DENND1B: variants seen among roughly 807,000 people sequenced by gnomAD.
DENND1B encodes the protein DENN domain containing 1B.
A neutral mutation model predicts 90.1 loss-of-function variants in DENND1B; 59 were observed. That is an observed-to-expected ratio of 0.65 (90% confidence interval 0.53 to 0.81). The LOEUF (loss-of-function observed/expected upper bound fraction) is 0.81. DENND1B is among the 40% of genes least tolerant of loss of function. The probability of loss-of-function intolerance (pLI) is 0.00; values close to 1 mark genes in which losing one functional copy is unlikely to be tolerated. For missense variants in DENND1B, 862 were observed against 912.6 expected, an observed-to-expected ratio of 0.94 and a Z score of 0.71; for synonymous variants, 337 against 324.6, an observed-to-expected ratio of 1.04 and a Z score of -0.41.
chr1:197,684,933 A>G (rs1657076360), intron 3 of DENND1B, among the ~76,000 whole-genome samples: 1 of 152,084 alleles, frequency 6.6e-6, no homozygotes, highest in Non-Finnish European at 1.5e-5. Flanking sequence ...CCTGGGCAAC[A>G]TGGTAAAACC....
chr1:197,623,800 A>C (rs745793855), intron 10 of DENND1B, among the ~76,000 whole-genome samples: 36 of 151,658 alleles, frequency 2.4e-4, no homozygotes, highest in Non-Finnish European at 3.4e-4. Context: ...GGATAAAACA[A>C]ATTTACAGTG....
At position 197,510,281 on chromosome 1, in the gene DENND1B, C is replaced by T. The variant is rs1454501772; in HGVS notation, c.*179G>A. 2.2e-5 allele frequency: 15 copies of T among 677,862 alleles called. No individual in the cohort carries two copies. Among genetic ancestry groups the T allele is most frequent in the East Asian group, 5.7e-5 (2 of 35,002 alleles). 42.0% of individuals were successfully genotyped at this position (677,862 alleles called of 1,614,324 possible). ...CCTGATTTAAAAGCACAGTAGAATT[C>T]GCTTTATATTTAAAAATCAATGCAT... On this transcript the variant is annotated 3_prime_UTR_variant, in exon 23 of 23. Transcript: ENST00000620048.
chr1:197,685,463 AGCAAG>A (rs1657136203), intron 3 of DENND1B, among the ~76,000 whole-genome samples: 2 of 152,190 alleles, frequency 1.3e-5, no homozygotes, highest in African/African-American at 4.8e-5. Flanking sequence ...CTAAGTACTT[AGCAAG>A]TAAAATAAAA....
At chr1:197,634,890 C>G (rs1001729420) in intron 10 of DENND1B, among the ~76,000 whole-genome samples, 1 of 152,140 alleles carries the variant, frequency 6.6e-6, no homozygotes, top group Non-Finnish European at 1.5e-5. Flanking sequence ...ACTTGGGAGG[C>G]TGAGGTGTGG....
chr1:197,510,346 C>T lies in DENND1B; in HGVS notation c.*114G>A. 1 of 1,249,714 alleles carries T rather than the reference C, an allele frequency of 8.0e-7. No homozygotes were observed. The highest frequency in any genetic ancestry group is 1.1e-6 in the Non-Finnish European group (1 of 930,670). 77.4% of individuals were successfully genotyped at this position (1,249,714 alleles called of 1,614,324 possible). On this transcript the variant is annotated 3_prime_UTR_variant, in exon 23 of 23. Coordinates refer to ENST00000620048, the MANE Select transcript of DENND1B (RefSeq NM_001195215.2). ...AAATGAACAAGTGAGAAAAATGTTG[C>T]AAATGCAAAAAAAAATTTAAATAGT...
chr1:197,758,960 A>ATTTTTTTTT lies in DENND1B; in HGVS notation c.82+13899_82+13907dup, dbSNP rs759108636. 1.0e-3 allele frequency among the ~76,000 whole-genome samples: 99 copies of ATTTTTTTTT among 97,836 alleles called. 3 individuals are homozygous for ATTTTTTTTT. The highest frequency in any genetic ancestry group is 3.6e-3 in the African/African-American group (98 of 27,292). 64.2% of individuals were successfully genotyped at this position (97,836 alleles called of 152,430 possible). ...TCCCAAAGAATAGAGTACTTCATTA[A>ATTTTTTTTT]TTTTTTTTTTTTTTTTTTTTTTTTT... On this transcript the variant is annotated intron_variant, in intron 2 of 22. Coordinates refer to ENST00000620048, the MANE Select transcript of DENND1B (RefSeq NM_001195215.2).
chr1:197,687,358 A>C (rs754113601), intron 3 of DENND1B, among the ~76,000 whole-genome samples: 1 of 152,162 alleles, frequency 6.6e-6, no homozygotes, highest in Non-Finnish European at 1.5e-5. Flanking sequence ...GATGCTTCCA[A>C]TGTCTCCTCA....
At chr1:197,628,205 C>T (rs1678965109) in intron 10 of DENND1B, among the ~76,000 whole-genome samples, 1 of 152,174 alleles carries the variant, frequency 6.6e-6, no homozygotes, top group Non-Finnish European at 1.5e-5. Context: ...CAAAAAAGAG[C>T]CCGCATCGCC....
intron 19 of DENND1B, 67 bp downstream of exon 19, chr1:197,540,892 T>C (rs1335401457): frequency 7.0e-7 from 1 of 1,428,510 alleles, no homozygotes; most frequent in Admixed American, 2.0e-5. Flanking sequence ...AATTTCTAAT[T>C]TGGAAGTATA....
rs1434170182 is a variant in DENND1B at position 197,509,000 on chromosome 1, C to T, written c.*1460G>A. Reference sequence around the variant, plus strand: ...TCCTCACTCCTGCATGTAGTGACTTCCTTCCAAAAATGACAGCATGGAAAG... The same window carrying T: ...TCCTCACTCCTGCATGTAGTGACTTTCTTCCAAAAATGACAGCATGGAAAG... On this transcript the variant is annotated 3_prime_UTR_variant, in exon 23 of 23. Transcript: ENST00000620048. 3 of 151,734 alleles carry T rather than the reference C, an allele frequency of 2.0e-5. No individual in the cohort carries two copies. The highest frequency in any genetic ancestry group is 7.3e-5 in the African/African-American group (3 of 41,356). The allele number at this position is 151,734 out of a possible 1,614,324, so 9.4% of individuals were successfully genotyped here. A position where few individuals can be genotyped will look rare whatever the true frequency, so the allele number is the denominator to read the frequency against.
intron 17 of DENND1B, among the ~76,000 whole-genome samples, chr1:197,546,416 T>A (rs760679858): frequency 3.9e-5 from 6 of 152,176 alleles, no homozygotes; most frequent in Non-Finnish European, 7.4e-5. Context: ...CCACAAATTA[T>A]AAAATTGCCA....
intron 10 of DENND1B, among the ~76,000 whole-genome samples, chr1:197,639,142 C>A (rs1415878697): frequency 4.0e-5 from 6 of 151,780 alleles, no homozygotes; most frequent in African/African-American, 7.2e-5. Context: ...CGGTTCACTG[C>A]AACCTCCGTC....
intron 16 of DENND1B, chr1:197,552,779 T>A: frequency 7.8e-7 from 1 of 1,283,420 alleles, no homozygotes. Context: ...TCCAGCAATA[T>A]TAAGAGATTA....
chr1:197,779,869 T>C (rs1029300254), upstream of DENND1B, among the ~76,000 whole-genome samples: 1 of 152,084 alleles, frequency 6.6e-6, no homozygotes, highest in African/African-American at 2.4e-5. Flanking sequence ...TTTCTACTTG[T>C]TCATACTTAT....
chr1:197,699,168 A>C (rs1658763426), intron 3 of DENND1B, among the ~76,000 whole-genome samples: 1 of 152,190 alleles, frequency 6.6e-6, no homozygotes. Flanking sequence ...TCCTCAAAAA[A>C]TACTGGCAAA....
chr1:197,747,731 C>T (rs1227144862), intron 2 of DENND1B, among the ~76,000 whole-genome samples: 1 of 152,196 alleles, frequency 6.6e-6, no homozygotes, highest in Non-Finnish European at 1.5e-5. Flanking sequence ...GGCATGCTTA[C>T]TGCACACTAC....
intron 2 of DENND1B, among the ~76,000 whole-genome samples, chr1:197,762,777 T>C (rs749409575): frequency 4.6e-5 from 7 of 152,150 alleles, no homozygotes; most frequent in Non-Finnish European, 8.8e-5. Flanking sequence ...AAATATATAT[T>C]CTACATATAA....
chr1:197,721,544 A>C (rs1453013445), intron 2 of DENND1B, among the ~76,000 whole-genome samples: 1 of 152,156 alleles, frequency 6.6e-6, no homozygotes. Context: ...TACACAAGTA[A>C]GACAAGCAAA....
intron 2 of DENND1B, among the ~76,000 whole-genome samples, chr1:197,719,753 G>A (rs761847197): frequency 1.3e-5 from 2 of 152,168 alleles, no homozygotes; most frequent in African/African-American, 2.4e-5. Context: ...AAGAGTGGCT[G>A]CAGATCTGAA....
Sources: allele counts gnomAD v4.1 joint callset (sites outside exome capture counted in the v4.1 genomes callset), GRCh38; gene constraint gnomAD v4.1.1; transcripts MANE v1.5; gene names NCBI Gene and HGNC (gene_info 2026-07-23, HGNC 2026-07-21).